The following FYN variants were observed in gnomAD, a reference collection of about 807,000 sequenced individuals.
FYN encodes FYN proto-oncogene, Src family tyrosine kinase.
In FYN, 10 loss-of-function variants were observed where a neutral mutation model predicts 70.2. The observed-to-expected ratio is 0.14, with a 90% CI of 0.09 to 0.24. FYN has a LOEUF of 0.24. FYN is among the 10% of genes least tolerant of loss of function. FYN has a pLI of 1.00. For missense variants in FYN, 319 were observed against 673.1 expected (o/e 0.47, Z 5.82); for synonymous variants, 236 against 248.6 (o/e 0.95, Z 0.48).
intron 1 of FYN, among the ~76,000 whole-genome samples, chr6:111,851,278 T>C (rs1773678868): frequency 6.6e-6 from 1 of 152,254 alleles, no homozygotes; most frequent in Non-Finnish European, 1.5e-5. Flanking sequence ...CTTGTTTATC[T>C]TACGTAAATA....
chr6:111,742,797 C>T (rs1468634772), intron 3 of FYN, among the ~76,000 whole-genome samples: 2 of 152,182 alleles, frequency 1.3e-5, no homozygotes, highest in African/African-American at 2.4e-5. Context: ...TTCCCATTTA[C>T]TGAAGAGGAC....
intron 7 of FYN, 62 bp from the exon 8 acceptor site, chr6:111,703,096 C>T (rs1357479523): frequency 2.6e-6 from 4 of 1,527,716 alleles, no homozygotes; most frequent in Admixed American, 3.6e-5. Context: ...GCTTTTTAGG[C>T]CTCATTTTCT....
At chr6:111,832,185 T>C (rs1174752723) in intron 2 of FYN, among the ~76,000 whole-genome samples, 2 of 152,168 alleles carry the variant, frequency 1.3e-5, no homozygotes, top group Non-Finnish European at 2.9e-5. Context: ...GTATAGTCCC[T>C]GGGGAGTTTT....
chr6:111,781,916 C>T (rs768680970), intron 2 of FYN, among the ~76,000 whole-genome samples: 3 of 152,154 alleles, frequency 2.0e-5, no homozygotes, highest in Non-Finnish European at 4.4e-5. Context: ...AATGATACTT[C>T]AGAATATCTA....
chr6:111,786,972 G>T (rs558307562), intron 2 of FYN, among the ~76,000 whole-genome samples: 23 of 152,276 alleles, frequency 1.5e-4, no homozygotes, highest in African/African-American at 4.6e-4. Context: ...TTAGCCCTTT[G>T]TCAGATGAGT....
chr6:111,803,611 T>A (rs1452663573), intron 2 of FYN, among the ~76,000 whole-genome samples: 1 of 152,090 alleles, frequency 6.6e-6, no homozygotes, highest in African/African-American at 2.4e-5. Context: ...CATAGTGTTT[T>A]GAACCAGTGA....
chr6:111,714,295 C>A, intron 5 of FYN, 52 bp downstream of exon 5: 2 of 1,200,440 alleles, frequency 1.7e-6, no homozygotes, highest in Non-Finnish European at 2.5e-6. Context: ...AAATGCAAGA[C>A]CCCTTCCCAA....
At chr6:111,782,081 T>C (rs1458678412) in intron 2 of FYN, among the ~76,000 whole-genome samples, 1 of 152,244 alleles carries the variant, frequency 6.6e-6, no homozygotes, top group African/African-American at 2.4e-5. Context: ...ATTACATGCA[T>C]GGACCCAGCT....
chr6:111,814,336 A>G (rs181055556), intron 2 of FYN, among the ~76,000 whole-genome samples: 13 of 152,316 alleles, frequency 8.5e-5, no homozygotes, highest in Admixed American at 4.6e-4. Context: ...ATAAAGCCAA[A>G]CGATAAAGCC....
At chr6:111,752,256 T>C (rs919422841) in intron 3 of FYN, among the ~76,000 whole-genome samples, 1 of 152,204 alleles carries the variant, frequency 6.6e-6, no homozygotes, top group Non-Finnish European at 1.5e-5. Context: ...CATCTATCCA[T>C]CTACCCATGA....
At chr6:111,665,076 T>C (rs575316789) in intron 13 of FYN, among the ~76,000 whole-genome samples, 4 of 152,268 alleles carry the variant, frequency 2.6e-5, no homozygotes, top group Non-Finnish European at 2.9e-5. Context: ...ATTGAATGGA[T>C]TGTGTTAATT....
intron 2 of FYN, among the ~76,000 whole-genome samples, chr6:111,808,827 T>A (rs1272755314): frequency 6.6e-6 from 1 of 152,214 alleles, no homozygotes; most frequent in African/African-American, 2.4e-5. Context: ...CCAGTAACTT[T>A]TGAAATGACA....
chr6:111,703,994 C>A lies in FYN; in HGVS notation c.547+5G>T. The A allele has an allele frequency of 6.2e-7, 1 of 1,609,536 alleles. No individual in the cohort carries two copies. The highest frequency in any genetic ancestry group is 8.5e-7 in the Non-Finnish European group (1 of 1,175,912). ...CAAGCCAACTTCTTCAACTCGTTAT[C>A]TTACCTTTGGTGGTTTCACTCTCGC... On this transcript the variant is annotated splice_donor_5th_base_variant and intron_variant, in intron 7 of 13. Coordinates refer to ENST00000354650, the MANE Select transcript of FYN (RefSeq NM_002037.5).
At chr6:111,867,447 C>G (rs1774142951) in intron 1 of FYN, among the ~76,000 whole-genome samples, 1 of 132,538 alleles carries the variant, frequency 7.5e-6, no homozygotes, top group African/African-American at 3.0e-5. Flanking sequence ...AAGAGCGAAA[C>G]TCCGTCTCGG....
chr6:111,732,739 C>A (rs1391815307), intron 3 of FYN, among the ~76,000 whole-genome samples: 3 of 152,224 alleles, frequency 2.0e-5, no homozygotes, highest in Non-Finnish European at 4.4e-5. Flanking sequence ...TCGTCCTCCA[C>A]TTTCCTTCCT....
intron 13 of FYN, among the ~76,000 whole-genome samples, chr6:111,668,355 T>A (rs1476320906): frequency 6.6e-6 from 1 of 152,208 alleles, no homozygotes; most frequent in Non-Finnish European, 1.5e-5. Context: ...TCTTTCCTCA[T>A]CTTGCCAGAT....
chr6:111,791,427 C>G (rs1475398278), intron 2 of FYN, among the ~76,000 whole-genome samples: 3 of 152,182 alleles, frequency 2.0e-5, no homozygotes, highest in African/African-American at 7.2e-5. Context: ...CCCCAAGTAC[C>G]TCAGCATCTG....
At chr6:111,786,292 G>A (rs1771378806) in intron 2 of FYN, among the ~76,000 whole-genome samples, 1 of 151,646 alleles carries the variant, frequency 6.6e-6, no homozygotes, top group African/African-American at 2.4e-5. Context: ...TCCCACCTAT[G>A]AGTGAGAACA....
intron 6 of FYN, among the ~76,000 whole-genome samples, chr6:111,707,470 G>A (rs1351578137): frequency 6.6e-6 from 1 of 152,192 alleles, no homozygotes; most frequent in African/African-American, 2.4e-5. Context: ...GGCATAGAAG[G>A]TGTCTTTTCA....
Sources: allele counts gnomAD v4.1 joint callset (sites outside exome capture counted in the v4.1 genomes callset), GRCh38; gene constraint gnomAD v4.1.1; transcripts MANE v1.5; gene names NCBI Gene and HGNC (gene_info 2026-07-23, HGNC 2026-07-21).